The following CLDN14 variants were observed in gnomAD, a reference collection of about 807,000 sequenced individuals.
CLDN14 encodes claudin 14.
Under a neutral mutation model 2.1 loss-of-function variants are expected in CLDN14, and 2 were observed. That is an observed-to-expected ratio of 0.96 (90% CI 0.39 to 3.01). CLDN14 has a LOEUF of 3.01. Ranked by LOEUF, CLDN14 falls within the 30% of genes most tolerant of loss-of-function variation. The pLI is 0.09. For missense variants in CLDN14, 298 were observed against 328.0 expected (o/e 0.91, Z 0.71); for synonymous variants, 136 against 154.4 (o/e 0.88, Z 0.88).
At chr21:36,540,182 C>A (rs988318285) in intron 1 of CLDN14, among the ~76,000 whole-genome samples, 3 of 151,706 alleles carry the variant, frequency 2.0e-5, no homozygotes, top group Non-Finnish European at 2.9e-5. Flanking sequence ...GGCTCCAGGA[C>A]CCCTGAGGAT....
chr21:36,526,248 C>T (rs2087328444), intron 1 of CLDN14: 1 of 152,164 alleles, frequency 6.6e-6, no homozygotes, highest in Non-Finnish European at 1.5e-5. Flanking sequence ...CCAAAGCAGC[C>T]ATAGACAATA....
At chr21:36,470,359 C>T (rs903371130) in intron 1 of CLDN14, among the ~76,000 whole-genome samples, 1 of 152,128 alleles carries the variant, frequency 6.6e-6, no homozygotes, top group East Asian at 1.9e-4. Context: ...CATATGAAGA[C>T]GGAGATAGAA....
chr21:36,556,060 G>A (rs1021338453), intron 1 of CLDN14, among the ~76,000 whole-genome samples: 1 of 152,100 alleles, frequency 6.6e-6, no homozygotes, highest in African/African-American at 2.4e-5. Flanking sequence ...AGGGGCCCAA[G>A]CTATTGGTGG....
intron 2 of CLDN14, among the ~76,000 whole-genome samples, chr21:36,509,172 C>T (rs1190621307): frequency 6.6e-6 from 1 of 152,248 alleles, no homozygotes; most frequent in Non-Finnish European, 1.5e-5. Context: ...TTCTGACTCT[C>T]TTTGGTTGAG....
intron 1 of CLDN14, among the ~76,000 whole-genome samples, chr21:36,545,664 C>A (rs907541625): frequency 2.0e-5 from 3 of 152,128 alleles, no homozygotes; most frequent in Admixed American, 6.5e-5. Flanking sequence ...TTAGTATCTG[C>A]CCCCACTCTG....
At position 36,574,382 on chromosome 21, in the gene CLDN14, C is replaced by G. The variant is rs932414188; in HGVS notation, c.-220+2029G>C. ...TGGAATACTATACAGAAATAAAAAA[C>G]TATAAACTGCAGATACAGCCAACAA... is the stretch of plus-strand genomic sequence containing the variant. On this transcript the variant is annotated intron_variant, in intron 1 of 2. Coordinates refer to the CLDN14 transcript ENST00000342108. 2.0e-5 allele frequency among the ~76,000 whole-genome samples: 3 copies of G among 152,148 alleles called. No individual in the cohort carries two copies. In the East Asian group the frequency reaches 5.8e-4, roughly 29 times the overall value.
intron 1 of CLDN14, among the ~76,000 whole-genome samples, chr21:36,534,985 G>A (rs566906269): frequency 7.0e-4 from 107 of 152,334 alleles, no homozygotes; most frequent in African/African-American, 2.4e-3. Flanking sequence ...CTAGGGAAGT[G>A]TGAATGATAA....
At chr21:36,521,995 T>TA (rs1423635251) in intron 1 of CLDN14, among the ~76,000 whole-genome samples, 6 of 152,310 alleles carry the variant, frequency 3.9e-5, no homozygotes, top group South Asian at 4.1e-4. Flanking sequence ...ACATGTCAGC[T>TA]AAAAAATTCC....
At chr21:36,531,153 C>T (rs1007242747) in intron 1 of CLDN14, among the ~76,000 whole-genome samples, 1 of 151,828 alleles carries the variant, frequency 6.6e-6, no homozygotes. Flanking sequence ...CTTTGAACCC[C>T]GGAGGTGGAG....
intron 1 of CLDN14, among the ~76,000 whole-genome samples, chr21:36,568,281 G>A (rs2087686602): frequency 1.3e-5 from 2 of 152,176 alleles, no homozygotes; most frequent in Admixed American, 6.5e-5. Context: ...GCCCTGCTCA[G>A]AACTTCCTTC....
intron 1 of CLDN14, among the ~76,000 whole-genome samples, chr21:36,520,300 C>T (rs1029673353): frequency 2.0e-5 from 3 of 152,188 alleles, no homozygotes; most frequent in African/African-American, 7.2e-5. Context: ...ATTACATCTG[C>T]AAAGACCTTT....
upstream of CLDN14, among the ~76,000 whole-genome samples, chr21:36,482,426 A>ATGGATGGT (rs2086857637): frequency 6.6e-6 from 1 of 150,760 alleles, no homozygotes; most frequent in Non-Finnish European, 1.5e-5. Context: ...GGATGGATGG[A>ATGGATGGT]TGGATGGATG....
At chr21:36,495,782 G>A (rs1002892961) in intron 2 of CLDN14, among the ~76,000 whole-genome samples, 4 of 152,216 alleles carry the variant, frequency 2.6e-5, no homozygotes, top group Non-Finnish European at 5.9e-5. Flanking sequence ...AAGTAGGGCT[G>A]TAGGTGTAAT....
chr21:36,575,675 G>A (rs2087737100), intron 1 of CLDN14, among the ~76,000 whole-genome samples: 1 of 152,216 alleles, frequency 6.6e-6, no homozygotes, highest in East Asian at 1.9e-4. Flanking sequence ...ATCAGCATAA[G>A]TAGGCACTCA....
intron 1 of CLDN14, among the ~76,000 whole-genome samples, chr21:36,521,575 G>A (rs765930393): frequency 1.3e-5 from 2 of 152,218 alleles, no homozygotes; most frequent in Non-Finnish European, 2.9e-5. Flanking sequence ...GAGTCCTGTA[G>A]AGGGCTTGGG....
intron 1 of CLDN14, among the ~76,000 whole-genome samples, chr21:36,522,020 C>A (rs149301381): frequency 6.6e-6 from 1 of 152,092 alleles, no homozygotes; most frequent in Non-Finnish European, 1.5e-5. Context: ...CAAGTTATTA[C>A]CTGAAGTTTT....
intron 2 of CLDN14, chr21:36,486,489 C>A: frequency 6.4e-7 from 1 of 1,559,332 alleles, no homozygotes; most frequent in South Asian, 1.1e-5. Context: ...ACTCCAAATT[C>A]AAAGTCACTG....
At chr21:36,463,203 C>T (rs219771) in intron 1 of CLDN14, among the ~76,000 whole-genome samples, 43,917 of 152,060 alleles carry the variant, frequency 0.29, 7,312 homozygotes, top group African/African-American at 0.45. Context: ...ATCCAGTGGG[C>T]GACCTGGGGC....
intron 1 of CLDN14, among the ~76,000 whole-genome samples, chr21:36,574,443 A>C (rs1002598159): frequency 6.6e-6 from 1 of 152,236 alleles, no homozygotes; most frequent in Admixed American, 6.5e-5. Flanking sequence ...AGTAAGCAAA[A>C]GAAGCCAAAC....
Sources: allele counts gnomAD v4.1 joint callset (sites outside exome capture counted in the v4.1 genomes callset), GRCh38; gene constraint gnomAD v4.1.1; transcripts MANE v1.5; gene names NCBI Gene and HGNC (gene_info 2026-07-23, HGNC 2026-07-21).